Variants in SDK1 observed in about 807,000 individuals in gnomAD.
SDK1 encodes the protein sidekick cell adhesion molecule 1, also known as protein sidekick-1.
A neutral mutation model predicts 245.5 loss-of-function variants in SDK1; 157 were observed. The ratio of observed to expected loss-of-function variants is 0.64; its 90% CI spans 0.56 to 0.73. The LOEUF (loss-of-function observed/expected upper bound fraction) is 0.73. Ranked by LOEUF, SDK1 falls within the 30% of genes least tolerant of loss-of-function variation. SDK1 has a pLI of 0.00. For missense variants in SDK1, 3,583 were observed against 3,002.3 expected (o/e 1.19, Z -4.52); for synonymous variants, 1,647 against 1,278.5 (o/e 1.29, Z -6.15).
At chr7:3,310,757 T>TA (rs1222666005) in intron 1 of SDK1, among the ~76,000 whole-genome samples, 1 of 152,176 alleles carries the variant, frequency 6.6e-6, no homozygotes, top group African/African-American at 2.4e-5. Flanking sequence ...GTGGAGACAG[T>TA]ATAGCATACT....
intron 34 of SDK1, among the ~76,000 whole-genome samples, chr7:4,176,712 A>T (rs1021890487): frequency 4.6e-5 from 7 of 152,172 alleles, no homozygotes; most frequent in Non-Finnish European, 1.0e-4. Flanking sequence ...GACTCTGGGG[A>T]CCTCATAGAA....
chr7:3,540,280 G>A (rs954816287), intron 1 of SDK1, among the ~76,000 whole-genome samples: 2 of 152,182 alleles, frequency 1.3e-5, no homozygotes, highest in African/African-American at 4.8e-5. Flanking sequence ...GGTTGCAGTC[G>A]CCTGTAATCT....
intron 4 of SDK1, among the ~76,000 whole-genome samples, chr7:3,805,276 T>C (rs548604555): frequency 6.3e-4 from 96 of 152,368 alleles, no homozygotes; most frequent in Non-Finnish European, 1.3e-3. Context: ...GTTGTTACTG[T>C]TGCTTTGTAG....
intron 1 of SDK1, among the ~76,000 whole-genome samples, chr7:3,457,337 C>T (rs964844548): frequency 2.0e-5 from 3 of 152,254 alleles, no homozygotes; most frequent in East Asian, 3.9e-4. Flanking sequence ...CTCTTTCCAC[C>T]TTTCTTCTTG....
chr7:3,985,942 C>T (rs1783797459), intron 13 of SDK1, among the ~76,000 whole-genome samples: 3 of 152,116 alleles, frequency 2.0e-5, no homozygotes, highest in Non-Finnish European at 2.9e-5. Context: ...TACCTGATGT[C>T]TGAGAGACCA....
intron 1 of SDK1, among the ~76,000 whole-genome samples, chr7:3,492,526 C>G (rs1159266612): frequency 1.3e-5 from 2 of 152,158 alleles, no homozygotes; most frequent in Admixed American, 6.5e-5. Context: ...AACAAAAAAA[C>G]CTGACGGATG....
intron 30 of SDK1, among the ~76,000 whole-genome samples, chr7:4,153,259 G>T (rs1363560894): frequency 8.1e-5 from 12 of 147,660 alleles, no homozygotes. Context: ...TTCTTTTTCC[G>T]TATAATGTAA....
intron 1 of SDK1, among the ~76,000 whole-genome samples, chr7:3,610,332 T>A (rs970494281): frequency 1.3e-5 from 2 of 152,242 alleles, no homozygotes; most frequent in Non-Finnish European, 2.9e-5. Context: ...GTTGATTTCT[T>A]AAGATTATTC....
At chr7:3,581,838 C>T (rs540261718) in intron 1 of SDK1, among the ~76,000 whole-genome samples, 1 of 152,320 alleles carries the variant, frequency 6.6e-6, no homozygotes, top group Non-Finnish European at 1.5e-5. Flanking sequence ...GAGATTGTGT[C>T]CTTTGCAGGG....
chr7:3,759,584 C>CAGT (rs1780034655), intron 4 of SDK1, among the ~76,000 whole-genome samples: 1 of 145,864 alleles, frequency 6.9e-6, no homozygotes. Flanking sequence ...AAATTTTTTT[C>CAGT]ATTATTATTA....
intron 1 of SDK1, among the ~76,000 whole-genome samples, chr7:3,402,094 G>A (rs1778903233): frequency 1.3e-5 from 2 of 152,148 alleles, no homozygotes; most frequent in South Asian, 4.1e-4. Context: ...TAGCTTTTAT[G>A]TGACTCACAG....
chr7:3,588,044 A>G (rs1195756660), intron 1 of SDK1, among the ~76,000 whole-genome samples: 1 of 152,250 alleles, frequency 6.6e-6, no homozygotes, highest in Admixed American at 6.5e-5. Flanking sequence ...CAAATGTAGT[A>G]GGGATGTTCA....
At chr7:3,509,344 G>A (rs1204376952) in intron 1 of SDK1, among the ~76,000 whole-genome samples, 1 of 152,080 alleles carries the variant, frequency 6.6e-6, no homozygotes. Flanking sequence ...GCTTGGGTTT[G>A]AATCCCAGCT....
At chr7:4,066,643 A>C (rs1447276239) in intron 19 of SDK1, among the ~76,000 whole-genome samples, 1 of 152,150 alleles carries the variant, frequency 6.6e-6, no homozygotes, top group African/African-American at 2.4e-5. Context: ...CTCCCTCCCC[A>C]TCACCACACA....
intron 17 of SDK1, among the ~76,000 whole-genome samples, chr7:4,019,806 C>T (rs1190660767): frequency 6.6e-6 from 1 of 152,160 alleles, no homozygotes; most frequent in East Asian, 1.9e-4. Context: ...TTCGTGTCTT[C>T]TTCATGTCTT....
intron 5 of SDK1, among the ~76,000 whole-genome samples, chr7:3,924,693 T>C (rs1358147060): frequency 6.6e-6 from 1 of 152,168 alleles, no homozygotes; most frequent in Non-Finnish European, 1.5e-5. Context: ...CCACAACCCA[T>C]CCCTCAGAGA....
intron 5 of SDK1, among the ~76,000 whole-genome samples, chr7:3,874,865 G>A (rs1054940243): frequency 2.6e-4 from 39 of 152,132 alleles, no homozygotes; most frequent in African/African-American, 9.2e-4. Flanking sequence ...GGGGAGATAC[G>A]TCTCAGGAGA....
chr7:3,855,526 A>C (rs530034376), intron 5 of SDK1, among the ~76,000 whole-genome samples: 2 of 145,116 alleles, frequency 1.4e-5, no homozygotes, highest in East Asian at 3.9e-4. Flanking sequence ...AAATTCTCCT[A>C]GGATGTATCA....
chr7:3,807,804 A>G (rs1228554541), intron 4 of SDK1, among the ~76,000 whole-genome samples: 2 of 152,142 alleles, frequency 1.3e-5, no homozygotes, highest in African/African-American at 4.8e-5. Context: ...TTCTTTGGCA[A>G]AATTATTTGA....
Sources: gnomAD v4.1 joint callset for allele counts (sites outside exome capture counted in the v4.1 genomes callset) on GRCh38, gnomAD v4.1.1 for gene constraint, MANE v1.5 for transcripts, NCBI Gene and HGNC (gene_info 2026-07-23, HGNC 2026-07-21) for gene names.